The following VPS33A variants were observed in gnomAD, a reference collection of about 807,000 sequenced individuals.
The protein encoded by VPS33A is vacuolar protein sorting-associated protein 33A.
VPS33A carries 32 observed loss-of-function variants against 71.8 expected under a neutral mutation model. That is an observed-to-expected ratio of 0.45 (90% confidence interval 0.34 to 0.60). The LOEUF (loss-of-function observed/expected upper bound fraction) is 0.60. VPS33A is among the 20% of genes least tolerant of loss of function. The pLI is 0.02. For synonymous variants in VPS33A, 311 were observed against 292.7 expected, an observed-to-expected ratio of 1.06 and a Z score of -0.64; for missense variants, 625 against 748.5, an observed-to-expected ratio of 0.84 and a Z score of 1.92.
At chr12:122,238,996 T>TACACAC (rs68026867) in intron 9 of VPS33A, among the ~76,000 whole-genome samples, 78 of 137,190 alleles carry the variant, frequency 5.7e-4, no homozygotes, top group African/African-American at 2.1e-3. Context: ...CATACATACA[T>TACACAC]ACACACACAC....
In VPS33A at chr12:122,266,196, C is replaced by T. The variant is rs1955068729; in HGVS notation, c.102+111G>A. 54 of 1,466,404 alleles carry T rather than the reference C, an allele frequency of 3.7e-5. No individual in the cohort carries two copies. The South Asian group carries it at 6.3e-4, about 17-fold the overall frequency. The allele number at this position is 1,466,404 out of a possible 1,614,324, so 90.8% of individuals were successfully genotyped here. On this transcript the variant is annotated intron_variant, in intron 1 of 12. Coordinates refer to ENST00000267199, the MANE Select transcript of VPS33A (RefSeq NM_022916.6). ...GTAAAAGGGCCCTGAGGCTCGCCTC[C>T]TTGGAAGCCCCAAGGACCTCATAAA...
chr12:122,248,706 C>T (rs1379551088), intron 6 of VPS33A: 1 of 152,284 alleles, frequency 6.6e-6, no homozygotes. Flanking sequence ...GCCCCTGCCC[C>T]AGGATCTCCA....
intron 3 of VPS33A, among the ~76,000 whole-genome samples, chr12:122,262,375 A>G (rs1955007097): frequency 6.6e-6 from 1 of 152,220 alleles, no homozygotes; most frequent in Non-Finnish European, 1.5e-5. Context: ...GTGTCTCAAT[A>G]AAAACAAATG....
chr12:122,246,448 C>T (rs561474916), intron 6 of VPS33A, among the ~76,000 whole-genome samples: 93 of 151,714 alleles, frequency 6.1e-4, no homozygotes, highest in African/African-American at 1.8e-3. Context: ...TACAGGCGCC[C>T]GCCACCACAC....
intron 10 of VPS33A, 145 bp from the exon 11 acceptor site, chr12:122,236,068 A>T (rs1201206047): frequency 1.0e-6 from 1 of 972,752 alleles, no homozygotes; most frequent in Admixed American, 2.8e-5. Flanking sequence ...ATGGGCACAG[A>T]GGACAGGGTG....
intron 1 of VPS33A, chr12:122,264,747 A>G (rs1276959013): frequency 6.6e-6 from 1 of 152,160 alleles, no homozygotes; most frequent in African/African-American, 2.4e-5. Flanking sequence ...CTAAAGAAAA[A>G]TAGCATCCAG....
chr12:122,249,821 G>C (rs779946870), intron 6 of VPS33A, 50 bp downstream of exon 6: 2 of 1,524,372 alleles, frequency 1.3e-6, no homozygotes, highest in Non-Finnish European at 1.8e-6. Flanking sequence ...CTCCACAAAG[G>C]ATATTCTTCT....
chr12:122,246,033 G>C (rs889342238), intron 6 of VPS33A, among the ~76,000 whole-genome samples: 2 of 152,172 alleles, frequency 1.3e-5, no homozygotes, highest in African/African-American at 2.4e-5. Context: ...CAAGCCAAGT[G>C]AGTCCCTATT....
chr12:122,254,527 G>A (rs1335996058), intron 4 of VPS33A, among the ~76,000 whole-genome samples: 3 of 151,036 alleles, frequency 2.0e-5, no homozygotes, highest in Non-Finnish European at 2.9e-5. Context: ...CTCAGTCTGC[G>A]AAGTAGCTGG....
At position 122,232,411 on chromosome 12, in the gene VPS33A, G is replaced by A; in HGVS notation, c.1626C>T (p.Asn542=). The A allele has an allele frequency of 1.9e-6, 3 of 1,612,410 alleles. No individual in the cohort carries two copies. The highest frequency in any genetic ancestry group is 2.5e-6 in the Non-Finnish European group (3 of 1,179,514). Residue 542 remains asparagine (N), a synonymous_variant, in exon 13 of 13, where the codon AAC becomes AAT. Coordinates refer to ENST00000267199, the MANE Select transcript of VPS33A (RefSeq NM_022916.6). ...CAAGGAAAAATATCAGAGTCACTCG[G>A]TTTTCTCCCGGTTGACCTAAAATTT... ...GLQKKRQPGE[N]RVTLIFFLGG... is the part of the protein sequence containing the mutation.
At chr12:122,249,623 C>G (rs965810833) in intron 6 of VPS33A, 1 of 321,920 alleles carries the variant, frequency 3.1e-6, no homozygotes, top group Non-Finnish European at 5.6e-6. Context: ...CCTCACTGAT[C>G]CTCTTTTTTG....
chr12:122,255,864 T>G (rs1238146459), intron 4 of VPS33A, among the ~76,000 whole-genome samples: 1 of 152,170 alleles, frequency 6.6e-6, no homozygotes, highest in Non-Finnish European at 1.5e-5. Context: ...AGTGCACTGG[T>G]GTGATCACAG....
At chr12:122,238,090 T>C (rs1954654200) in intron 10 of VPS33A, among the ~76,000 whole-genome samples, 1 of 152,172 alleles carries the variant, frequency 6.6e-6, no homozygotes, top group Non-Finnish European at 1.5e-5. Context: ...TAGCTATTAT[T>C]ATCACACAAA....
chr12:122,233,155 AC>A (rs1954586781), intron 11 of VPS33A, among the ~76,000 whole-genome samples, 187 bp from the exon 12 acceptor site: 2 of 151,978 alleles, frequency 1.3e-5, no homozygotes, highest in Middle Eastern at 3.4e-3. Context: ...TTCAATTTTG[AC>A]TGAAATCTTG....
intron 4 of VPS33A, among the ~76,000 whole-genome samples, chr12:122,256,026 C>A (rs1159097862): frequency 6.6e-6 from 1 of 152,030 alleles, no homozygotes; most frequent in Admixed American, 6.6e-5. Flanking sequence ...GAACTCCTGG[C>A]CTTAAGTGAT....
intron 3 of VPS33A, among the ~76,000 whole-genome samples, chr12:122,263,165 G>C (rs1955020946): frequency 6.6e-6 from 1 of 151,762 alleles, no homozygotes; most frequent in Admixed American, 6.6e-5. Context: ...GCTAATTTTT[G>C]TATTTTTAGT....
At chr12:122,265,016 G>C (rs537118673) in intron 1 of VPS33A, among the ~76,000 whole-genome samples, 5 of 145,974 alleles carry the variant, frequency 3.4e-5, no homozygotes, top group African/African-American at 1.3e-4. Flanking sequence ...TCGATTTCCT[G>C]GGCTCAGGTG....
Position 122,254,322 on chromosome 12 carries a change from A to G in VPS33A, c.484-3223T>C, listed in dbSNP as rs556492416. On this transcript the variant is annotated intron_variant, in intron 4 of 12. Transcript: ENST00000267199. ...ACTTTAACATTAGGCTCTTAGGTCG[A>G]AGCTCTTAGCTGTGCCATCCGGATA... Among the ~76,000 whole-genome samples, 4 of 152,146 alleles carry G rather than the reference A, an allele frequency of 2.6e-5. No individual in the cohort carries two copies. The South Asian group carries it at 8.3e-4, about 32-fold the overall frequency.
At position 122,266,342 on chromosome 12, in the gene VPS33A, GCTCGCGACGCACCGC is replaced by G; in HGVS notation, c.52_66del (p.Ala18_Glu22del). On this transcript the variant is annotated inframe_deletion, in exon 1 of 13. Coordinates refer to ENST00000267199, the MANE Select transcript of VPS33A (RefSeq NM_022916.6). Reference sequence around the variant, plus strand: ...GCGCACTTGTCCAGGAACTCGCGCAGCTCGCGACGCACCGCCTCGCGCAACACGTTTAGGTTCACT... The same window carrying G: ...GCGCACTTGTCCAGGAACTCGCGCAGCTCGCGCAACACGTTTAGGTTCACT... 1 of 1,613,372 alleles carries G rather than the reference GCTCGCGACGCACCGC, an allele frequency of 6.2e-7. No homozygotes were observed. The highest frequency in any genetic ancestry group is 2.2e-5 in the East Asian group (1 of 44,868).
Sources: gnomAD v4.1 joint callset for allele counts (sites outside exome capture counted in the v4.1 genomes callset) on GRCh38, gnomAD v4.1.1 for gene constraint, MANE v1.5 for transcripts, NCBI Gene and HGNC (gene_info 2026-07-23, HGNC 2026-07-21) for gene names.